The following BICD1 variants were observed in gnomAD, a reference collection of about 807,000 sequenced individuals.
The protein encoded by BICD1 is BICD cargo adaptor 1, also known as protein bicaudal D homolog 1.
Under a neutral mutation model 92.5 loss-of-function variants are expected in BICD1, and 35 were observed. The observed-to-expected ratio is 0.38, with a 90% CI of 0.29 to 0.50. BICD1 has a LOEUF of 0.50. Ranked by LOEUF, BICD1 falls within the 20% of genes least tolerant of loss-of-function variation. The probability of loss-of-function intolerance (pLI) is 0.93; values close to 1 mark genes in which losing one functional copy is unlikely to be tolerated. For synonymous variants in BICD1, 429 were observed against 465.1 expected (o/e 0.92, Z 1.00); for missense variants, 950 against 1,189.8 (o/e 0.80, Z 2.97).
chr12:32,121,764 C>T (rs1942158432), intron 1 of BICD1, among the ~76,000 whole-genome samples: 1 of 151,620 alleles, frequency 6.6e-6, no homozygotes, highest in Admixed American at 6.6e-5. Flanking sequence ...AGAAAACCTA[C>T]GGTTAATGAT....
rs79573287 is a variant in BICD1, at chr12:32,178,278, C to T, written c.214-37969C>T. Among the ~76,000 whole-genome samples, 77 of 151,954 alleles carry T rather than the reference C, an allele frequency of 5.1e-4. 3 individuals are homozygous for T. The East Asian group carries it at 6.8e-3, about 13-fold the overall frequency. ...GAAGAGATCACCGTTGAACACAGTCCATAGGAAAGTAAGATCTCAGCATTA... is the reference window on the plus strand; with the variant it reads ...GAAGAGATCACCGTTGAACACAGTCTATAGGAAAGTAAGATCTCAGCATTA... On this transcript the variant is annotated intron_variant, in intron 1 of 9. Coordinates refer to ENST00000652176, the MANE Select transcript of BICD1 (RefSeq NM_001714.4).
At chr12:32,321,712 ATTTAGGCCAG>A (rs1272554219) in intron 4 of BICD1, among the ~76,000 whole-genome samples, 6 of 152,192 alleles carry the variant, frequency 3.9e-5, no homozygotes, top group East Asian at 3.8e-4. Flanking sequence ...ATCTAAAACA[ATTTAGGCCAG>A]GCCCGGTGGC....
intron 5 of BICD1, 81 bp from the exon 6 acceptor site, chr12:32,334,435 A>G (rs1938016925): frequency 7.4e-7 from 1 of 1,360,416 alleles, no homozygotes; most frequent in Admixed American, 2.6e-5. Flanking sequence ...ATAAAAGAAC[A>G]TAATAGGCAC....
At chr12:32,212,160 G>C (rs994595160) in intron 1 of BICD1, among the ~76,000 whole-genome samples, 1 of 152,182 alleles carries the variant, frequency 6.6e-6, no homozygotes, top group Non-Finnish European at 1.5e-5. Context: ...ATTTTGATCC[G>C]TGTCAAGATT....
intron 1 of BICD1, among the ~76,000 whole-genome samples, chr12:32,139,618 A>C (rs1382268250): frequency 1.3e-5 from 2 of 152,304 alleles, no homozygotes; most frequent in Non-Finnish European, 2.9e-5. Flanking sequence ...GCTGGAGCGC[A>C]GTGGTGCAAT....
chr12:32,230,483 T>C (rs977018040), intron 2 of BICD1, among the ~76,000 whole-genome samples: 2 of 151,910 alleles, frequency 1.3e-5, no homozygotes, highest in Admixed American at 1.3e-4. Flanking sequence ...AGAATTGAGA[T>C]CATCTGTGTG....
intron 8 of BICD1, among the ~76,000 whole-genome samples, chr12:32,365,646 C>T (rs548924704): frequency 2.7e-4 from 41 of 152,282 alleles, no homozygotes; most frequent in Middle Eastern, 3.4e-3. Flanking sequence ...AATACACCAT[C>T]GGAGGGCAGC....
intron 1 of BICD1, among the ~76,000 whole-genome samples, chr12:32,149,205 C>T (rs1565548254): frequency 1.3e-5 from 2 of 152,040 alleles, no homozygotes; most frequent in Non-Finnish European, 2.9e-5. Context: ...CCATGATGCT[C>T]CTAAAGACAT....
chr12:32,235,917 G>A (rs542602346), intron 2 of BICD1, among the ~76,000 whole-genome samples: 2 of 149,646 alleles, frequency 1.3e-5, no homozygotes, highest in Non-Finnish European at 3.0e-5. Context: ...TGGCCAGACT[G>A]GTCTCGATCT....
intron 8 of BICD1, among the ~76,000 whole-genome samples, chr12:32,364,054 G>A (rs1438932686): frequency 6.6e-6 from 1 of 152,130 alleles, no homozygotes; most frequent in African/African-American, 2.4e-5. Context: ...ACACTTCAAT[G>A]TAGTTGCTTA....
At chr12:32,276,379 G>A (rs1053256093) in intron 2 of BICD1, among the ~76,000 whole-genome samples, 1 of 152,168 alleles carries the variant, frequency 6.6e-6, no homozygotes, top group African/African-American at 2.4e-5. Flanking sequence ...GGATTTCCTA[G>A]GCCGACTAAG....
chr12:32,143,206 C>T (rs2630579), intron 1 of BICD1, among the ~76,000 whole-genome samples: 27,138 of 152,016 alleles, frequency 0.18, 2,523 homozygotes, highest in East Asian at 0.22. Flanking sequence ...TATAAACCTG[C>T]TATTCATGTA....
intron 2 of BICD1, among the ~76,000 whole-genome samples, chr12:32,285,859 A>T (rs1947549903): frequency 6.6e-6 from 1 of 152,260 alleles, no homozygotes; most frequent in Non-Finnish European, 1.5e-5. Flanking sequence ...AAATTGTAGG[A>T]GATAAATGTA....
rs192070511 is a variant in BICD1, at chr12:32,360,663, A to T, written c.2765-7007A>T. Among the ~76,000 whole-genome samples, 356 of 152,330 alleles carry T rather than the reference A, an allele frequency of 2.3e-3. 1 individual carries two copies. The highest frequency in any genetic ancestry group is 8.3e-3 in the African/African-American group (345 of 41,580). Reference sequence around the variant, plus strand: ...TTTAATATTCTTGAGACAAATAGAGAAATCAATTCTAGAGGATAATATAAT... The same window carrying T: ...TTTAATATTCTTGAGACAAATAGAGTAATCAATTCTAGAGGATAATATAAT... On this transcript the variant is annotated intron_variant, in intron 8 of 9. Transcript: ENST00000652176.
intron 8 of BICD1, among the ~76,000 whole-genome samples, chr12:32,351,018 T>TA (rs1938845200): frequency 6.6e-6 from 1 of 152,190 alleles, no homozygotes; most frequent in African/African-American, 2.4e-5. Context: ...TTTTGGCATA[T>TA]AGATTATTTA....
chr12:32,111,677 G>A (rs1941698966), intron 1 of BICD1, among the ~76,000 whole-genome samples: 1 of 151,130 alleles, frequency 6.6e-6, no homozygotes, highest in Admixed American at 6.6e-5. Flanking sequence ...GTGTGATCTC[G>A]GCTCACTGCA....
chr12:32,214,505 A>G (rs1945298959), intron 1 of BICD1, among the ~76,000 whole-genome samples: 1 of 152,136 alleles, frequency 6.6e-6, no homozygotes, highest in African/African-American at 2.4e-5. Context: ...CAATACCACT[A>G]GTTTCCTTTT....
chr12:32,171,425 C>G (rs1409969494), intron 1 of BICD1, among the ~76,000 whole-genome samples: 1 of 152,144 alleles, frequency 6.6e-6, no homozygotes, highest in Admixed American at 6.5e-5. Flanking sequence ...GAGCGTGGCA[C>G]TAGGTATTCT....
chr12:32,256,646 T>C (rs146804552), intron 2 of BICD1, among the ~76,000 whole-genome samples: 283 of 152,346 alleles, frequency 1.9e-3, no homozygotes, highest in African/African-American at 6.6e-3. Context: ...TGATGACTAA[T>C]GAAGATAAAG....
Sources: gnomAD v4.1 joint callset for allele counts (sites outside exome capture counted in the v4.1 genomes callset) on GRCh38, gnomAD v4.1.1 for gene constraint, MANE v1.5 for transcripts, NCBI Gene and HGNC (gene_info 2026-07-23, HGNC 2026-07-21) for gene names.